The following IL1RAPL2 variants were observed in gnomAD, a reference collection of about 807,000 sequenced individuals.
The protein encoded by IL1RAPL2 is interleukin 1 receptor accessory protein like 2.
IL1RAPL2 carries 3 observed loss-of-function variants against 44.1 expected under a neutral mutation model. The ratio of observed to expected loss-of-function variants is 0.07; its 90% CI spans 0.03 to 0.18. The LOEUF (loss-of-function observed/expected upper bound fraction) is 0.18, where lower values mean the gene tolerates loss of function less well. Ranked by LOEUF, IL1RAPL2 falls within the 10% of genes least tolerant of loss-of-function variation. The pLI is 1.00. For missense variants in IL1RAPL2, 391 were observed against 496.4 expected, an observed-to-expected ratio of 0.79 and a Z score of 2.02; for synonymous variants, 181 against 178.8, an observed-to-expected ratio of 1.01 and a Z score of -0.10.
chrX:105,033,258 C>G (rs1416822918), intron 2 of IL1RAPL2, among the ~76,000 whole-genome samples: 1 of 111,656 alleles, frequency 9.0e-6, no homozygotes, highest in Non-Finnish European at 1.9e-5. Context: ...GAATTTGATC[C>G]TGTCATTATG....
intron 2 of IL1RAPL2, among the ~76,000 whole-genome samples, chrX:104,694,253 G>A (rs2147547987): frequency 9.0e-6 from 1 of 111,696 alleles, no homozygotes; most frequent in South Asian, 3.8e-4. Flanking sequence ...TTATTTGGGA[G>A]CAGAATTCAT....
At chrX:105,318,631 A>G (rs1401157765) in intron 5 of IL1RAPL2, among the ~76,000 whole-genome samples, 1 of 111,322 alleles carries the variant, frequency 9.0e-6, no homozygotes, top group African/African-American at 3.3e-5. Context: ...ACTTGGTACA[A>G]TACTAGAGTC....
intron 1 of IL1RAPL2, among the ~76,000 whole-genome samples, chrX:104,658,435 G>A (rs1350464894): frequency 9.0e-6 from 1 of 111,593 alleles, no homozygotes; most frequent in Non-Finnish European, 1.9e-5. Context: ...TGGACACAGG[G>A]CAGGGATCAT....
intron 5 of IL1RAPL2, among the ~76,000 whole-genome samples, chrX:105,336,787 G>C (rs1207614235): frequency 1.8e-5 from 2 of 111,864 alleles, no homozygotes; most frequent in African/African-American, 6.5e-5. Context: ...AATACCTTCT[G>C]CCTAATCGCC....
intron 1 of IL1RAPL2, among the ~76,000 whole-genome samples, chrX:104,646,544 C>T (rs962235176): frequency 3.6e-5 from 4 of 110,254 alleles, no homozygotes; most frequent in Non-Finnish European, 3.8e-5. Context: ...TGGTATCAGT[C>T]GGAATAATTT....
intron 6 of IL1RAPL2, among the ~76,000 whole-genome samples, chrX:105,637,823 T>G (rs5962559): frequency 0.32 from 34,598 of 107,964 alleles, 4,308 homozygotes; most frequent in Middle Eastern, 0.41. Context: ...CAGTTTCTAT[T>G]TTATCTGAGC....
At chrX:104,877,080 C>T (rs5917161) in intron 2 of IL1RAPL2, among the ~76,000 whole-genome samples, 46,193 of 108,815 alleles carry the variant, frequency 0.42, 7,362 homozygotes, top group Non-Finnish European at 0.45. Context: ...TATGGCTGCA[C>T]AGTATTCCAT....
At chrX:105,537,659 C>G (rs956081655) in intron 6 of IL1RAPL2, among the ~76,000 whole-genome samples, 1 of 111,674 alleles carries the variant, frequency 9.0e-6, no homozygotes, top group African/African-American at 3.3e-5. Context: ...GCAAATTTCT[C>G]AACCTTTATG....
chrX:104,581,131 C>G (rs1928336129), intron 1 of IL1RAPL2, among the ~76,000 whole-genome samples: 1 of 112,422 alleles, frequency 8.9e-6, no homozygotes, highest in African/African-American at 3.2e-5. Flanking sequence ...CCAAACAAAG[C>G]AAATGGGCTT....
chrX:105,421,628 G>A (rs1365213434), intron 5 of IL1RAPL2, among the ~76,000 whole-genome samples: 1 of 111,228 alleles, frequency 9.0e-6, no homozygotes, highest in Non-Finnish European at 1.9e-5. Context: ...AGGGGGAAGA[G>A]GGGAGAAAAA....
chrX:104,623,032 C>G, intron 1 of IL1RAPL2, among the ~76,000 whole-genome samples: 1 of 111,086 alleles, frequency 9.0e-6, no homozygotes, highest in East Asian at 2.8e-4. Flanking sequence ...TCATAACCTT[C>G]TGTTTGAAAC....
chrX:104,712,935 CT>C (rs1569301401), intron 2 of IL1RAPL2, among the ~76,000 whole-genome samples: 3 of 110,670 alleles, frequency 2.7e-5, no homozygotes, highest in Non-Finnish European at 5.7e-5. Context: ...TTGGGAGGAA[CT>C]TTTTTTCAGA....
At chrX:105,602,212 C>A (rs1165915481) in intron 6 of IL1RAPL2, among the ~76,000 whole-genome samples, 1 of 110,021 alleles carries the variant, frequency 9.1e-6, no homozygotes, top group African/African-American at 3.3e-5. Flanking sequence ...TACTGGCAAC[C>A]CCACCCCCTA....
chrX:104,844,307 C>T lies in IL1RAPL2; in HGVS notation c.82+185312C>T, dbSNP rs756584850. ...ACCTAGGATAATCAATTAGGTCAAC[C>T]TTTTCCAAGTAAGTACCATGGGTCA... On this transcript the variant is annotated intron_variant, in intron 2 of 10. Transcript: ENST00000372582. Among the ~76,000 whole-genome samples the T allele has an allele frequency of 2.7e-5, 3 of 111,356 alleles. No individual in the cohort carries two copies. In the South Asian group the frequency reaches 1.2e-3, roughly 43 times the overall value.
At chrX:105,091,983 A>T (rs934975897) in intron 2 of IL1RAPL2, among the ~76,000 whole-genome samples, 3 of 112,488 alleles carry the variant, frequency 2.7e-5, no homozygotes, top group Non-Finnish European at 5.6e-5. Context: ...TTTGTAAACC[A>T]TACACAAAAC....
At chrX:105,372,548 G>A (rs971357826) in intron 5 of IL1RAPL2, among the ~76,000 whole-genome samples, 3 of 111,083 alleles carry the variant, frequency 2.7e-5, no homozygotes, top group African/African-American at 9.8e-5. Context: ...TTGTGTCATG[G>A]GGTTTGTTGT....
chrX:105,754,256 A>G (rs1048767282), intron 9 of IL1RAPL2, among the ~76,000 whole-genome samples: 17 of 112,201 alleles, frequency 1.5e-4, no homozygotes, highest in African/African-American at 5.2e-4. Context: ...GGAATTTTGA[A>G]AATCTCACTA....
chrX:104,867,162 G>A (rs1292444651), intron 2 of IL1RAPL2, among the ~76,000 whole-genome samples: 1 of 104,759 alleles, frequency 9.5e-6, no homozygotes, highest in East Asian at 3.0e-4. Context: ...GCATGAACCC[G>A]GGAGGCGGAG....
chrX:105,007,973 G>T (rs2030972868), intron 2 of IL1RAPL2, among the ~76,000 whole-genome samples: 2 of 114,725 alleles, frequency 1.7e-5, no homozygotes, highest in Admixed American at 9.1e-5. Flanking sequence ...ACGTGGAATT[G>T]GTTACTTACT....
Sources: gnomAD v4.1 joint callset for allele counts (sites outside exome capture counted in the v4.1 genomes callset) on GRCh38, gnomAD v4.1.1 for gene constraint, MANE v1.5 for transcripts, NCBI Gene and HGNC (gene_info 2026-07-23, HGNC 2026-07-21) for gene names.